The following MDFIC2 variants were observed in gnomAD, a reference collection of about 807,000 sequenced individuals.
The protein encoded by MDFIC2 is MyoD family inhibitor domain containing 2, also known as myoD family inhibitor domain-containing protein 2.
intron 2 of MDFIC2, among the ~76,000 whole-genome samples, chr3:70,224,375 C>T (rs952041819): frequency 1.3e-5 from 2 of 152,150 alleles, no homozygotes; most frequent in African/African-American, 4.8e-5. Context: ...GGCTGAGCTG[C>T]TTTATTTCAT....
chr3:70,312,026 A>G (rs1702457945), intron 1 of MDFIC2, 53 bp from the exon 2 acceptor site: 3 of 396,966 alleles, frequency 7.6e-6, no homozygotes, highest in African/African-American at 4.1e-5. Context: ...ACCCAAATTT[A>G]TAACATCGAG....
intron 2 of MDFIC2, among the ~76,000 whole-genome samples, chr3:70,255,094 G>T (rs1701802747): frequency 6.6e-6 from 1 of 152,154 alleles, no homozygotes. Context: ...TGGAACAATT[G>T]AAAGTTCAAC....
chr3:70,227,204 A>G (rs1701516348), intron 2 of MDFIC2, among the ~76,000 whole-genome samples: 1 of 152,206 alleles, frequency 6.6e-6, no homozygotes, highest in Non-Finnish European at 1.5e-5. Context: ...AGGATGAATT[A>G]GAAAGGAAAT....
At chr3:70,244,165 T>C (rs766117425) in intron 2 of MDFIC2, among the ~76,000 whole-genome samples, 6 of 152,194 alleles carry the variant, frequency 3.9e-5, no homozygotes, top group Non-Finnish European at 8.8e-5. Context: ...TTTAATCCAC[T>C]TCACCACCTA....
chr3:70,290,603 G>C (rs1301285160), intron 2 of MDFIC2, among the ~76,000 whole-genome samples: 3 of 152,182 alleles, frequency 2.0e-5, no homozygotes, highest in Admixed American at 2.0e-4. Flanking sequence ...TCGAGTTTCC[G>C]GGCTGTTTTG....
intron 2 of MDFIC2, among the ~76,000 whole-genome samples, chr3:70,272,988 C>T (rs1455086368): frequency 6.6e-6 from 1 of 152,146 alleles, no homozygotes; most frequent in African/African-American, 2.4e-5. Flanking sequence ...CGGCTTCAGT[C>T]CAGGTCAAAT....
chr3:70,252,637 A>G (rs1396177218), intron 2 of MDFIC2, among the ~76,000 whole-genome samples: 1 of 152,214 alleles, frequency 6.6e-6, no homozygotes, highest in Non-Finnish European at 1.5e-5. Context: ...TATAGGAGGT[A>G]ACTATTTGGT....
chr3:70,203,212 G>A (rs1471521613), intron 3 of MDFIC2, among the ~76,000 whole-genome samples: 1 of 152,016 alleles, frequency 6.6e-6, no homozygotes, highest in Non-Finnish European at 1.5e-5. Flanking sequence ...CCAGCCCCAA[G>A]CCAGTATTTT....
chr3:70,230,509 T>C (rs1701548353), intron 2 of MDFIC2, among the ~76,000 whole-genome samples: 1 of 152,140 alleles, frequency 6.6e-6, no homozygotes, highest in South Asian at 2.1e-4. Flanking sequence ...CATATATATA[T>C]ATATACAGTT....
intron 2 of MDFIC2, among the ~76,000 whole-genome samples, chr3:70,255,798 A>T (rs1701810143): frequency 6.6e-6 from 1 of 152,168 alleles, no homozygotes; most frequent in Admixed American, 6.5e-5. Flanking sequence ...CCCTCTGAAC[A>T]TTAGGAATTG....
In MDFIC2 at chr3:70,266,149, T is replaced by A. The variant is rs145491953; in HGVS notation, c.88+45737A>T. Among the ~76,000 whole-genome samples the A allele has an allele frequency of 4.8e-3, 725 of 152,344 alleles. 5 individuals carry two copies. Among genetic ancestry groups the A allele is most frequent in the African/African-American group, 0.017 (692 of 41,574 alleles). ...TATCTTTTTCTTCAGTTTAGTAGCC[T>A]TAAGCAGAATGTTGCTTTATTAAAA... On this transcript the variant is annotated intron_variant, in intron 2 of 3. Transcript: ENST00000567252.
At chr3:70,267,057 C>T (rs554983267) in intron 2 of MDFIC2, among the ~76,000 whole-genome samples, 1 of 152,184 alleles carries the variant, frequency 6.6e-6, no homozygotes, top group South Asian at 2.1e-4. Flanking sequence ...TGAGCAATGT[C>T]GTGCCAATGA....
chr3:70,226,732 T>C (rs1701510239), intron 2 of MDFIC2, among the ~76,000 whole-genome samples: 1 of 125,530 alleles, frequency 8.0e-6, no homozygotes, highest in Non-Finnish European at 1.6e-5. Flanking sequence ...AGAGAGACTC[T>C]GTCTTAAAAA....
intron 2 of MDFIC2, among the ~76,000 whole-genome samples, chr3:70,215,535 C>T (rs1228621062): frequency 1.3e-5 from 2 of 152,020 alleles, no homozygotes; most frequent in African/African-American, 4.8e-5. Context: ...CCTCAAAGCC[C>T]ACTATAAGAA....
chr3:70,238,003 T>TTTTTTTTTTTTTTC (rs1701628657), intron 2 of MDFIC2, among the ~76,000 whole-genome samples: 1 of 145,020 alleles, frequency 6.9e-6, no homozygotes, highest in African/African-American at 2.6e-5. Context: ...TTTTTTTTTT[T>TTTTTTTTTTTTTTC]TTGCCTGTCC....
rs558012288 is a variant in MDFIC2, at chr3:70,292,701, A to G, written c.88+19185T>C. Among the ~76,000 whole-genome samples the G allele has an allele frequency of 9.9e-5, 15 of 152,156 alleles. No homozygotes were observed. The East Asian group carries it at 2.7e-3, about 27-fold the overall frequency. ...CCAAATGTTTTCTCTTTTTTGATGT[A>G]CACATACTTAAAACTAGATCTTTGA... On this transcript the variant is annotated intron_variant, in intron 2 of 3. Transcript: ENST00000567252.
intron 2 of MDFIC2, among the ~76,000 whole-genome samples, chr3:70,279,868 T>C (rs187366928): frequency 1.5e-3 from 230 of 152,296 alleles, no homozygotes; most frequent in African/African-American, 5.3e-3. Context: ...ACCTGCTGTG[T>C]CATATCCTGG....
chr3:70,287,209 C>T (rs1372817663), intron 2 of MDFIC2, among the ~76,000 whole-genome samples: 1 of 137,928 alleles, frequency 7.3e-6, no homozygotes, highest in African/African-American at 2.8e-5. Flanking sequence ...ATAGATAGCT[C>T]TTATTATTTT....
intron 3 of MDFIC2, among the ~76,000 whole-genome samples, chr3:70,198,638 A>G (rs1701205144): frequency 6.6e-6 from 1 of 152,136 alleles, no homozygotes; most frequent in African/African-American, 2.4e-5. Context: ...CTTCCCAGAA[A>G]GATGGTGGTA....
Sources: allele counts gnomAD v4.1 joint callset (sites outside exome capture counted in the v4.1 genomes callset), GRCh38; gene constraint gnomAD v4.1.1; transcripts MANE v1.5; gene names NCBI Gene and HGNC (gene_info 2026-07-23, HGNC 2026-07-21).